ROBO2: variants seen among roughly 807,000 people sequenced by gnomAD.
ROBO2 encodes roundabout guidance receptor 2.
A neutral mutation model predicts 160.8 loss-of-function variants in ROBO2; 53 were observed. That is an observed-to-expected ratio of 0.33 (90% confidence interval 0.26 to 0.41). The LOEUF (loss-of-function observed/expected upper bound fraction) is 0.41. ROBO2 is among the 10% of genes least tolerant of loss of function. ROBO2 has a pLI of 1.00. For synonymous variants in ROBO2, 664 were observed against 611.7 expected (o/e 1.09, Z -1.26); for missense variants, 1,577 against 1,722.4 (o/e 0.92, Z 1.49).
intron 2 of ROBO2, among the ~76,000 whole-genome samples, chr3:76,354,789 G>C (rs561360806): frequency 6.6e-6 from 1 of 151,740 alleles, no homozygotes; most frequent in Non-Finnish European, 1.5e-5. Flanking sequence ...TATAAGTAGA[G>C]GAAAAGAGAA....
rs544526692 is a variant in ROBO2 at position 76,078,254 on chromosome 3, A to AT, written c.109+140658dup. ...GTTGTTCTATGACTTAACCTATAAC[A>AT]TTTTTTCATAGAAACAGATTCGGAT... On this transcript the variant is annotated intron_variant, in intron 2 of 26. Coordinates refer to the ROBO2 transcript ENST00000487694. Among the ~76,000 whole-genome samples the AT allele has an allele frequency of 2.4e-3, 365 of 152,212 alleles. 6 individuals carry two copies. Among genetic ancestry groups the AT allele is most frequent in the Middle Eastern group, 3.4e-3 (1 of 294 alleles).
chr3:75,982,277 T>TGCAGTG (rs1435741552), intron 2 of ROBO2, among the ~76,000 whole-genome samples: 1 of 151,430 alleles, frequency 6.6e-6, no homozygotes, highest in African/African-American at 2.4e-5. Context: ...TTTTTCTCTT[T>TGCAGTG]GGTATATACT....
rs542643007 is a variant in ROBO2, at chr3:76,643,420, T to C, written c.110-454594T>C. Among the ~76,000 whole-genome samples, 1,393 of 152,268 alleles carry C rather than the reference T, an allele frequency of 9.1e-3. 15 individuals are homozygous for C. The highest frequency in any genetic ancestry group is 0.032 in the African/African-American group (1,315 of 41,566). ...CAGTTTTTTAAACTAGAAAGAAATA[T>C]CGTTTTTGATGAAGATACGACATCC... On this transcript the variant is annotated intron_variant, in intron 2 of 26. Coordinates refer to the ROBO2 transcript ENST00000487694.
chr3:77,644,828 C>G (rs768355835), exon 25 of ROBO2: 1 of 1,614,080 alleles, frequency 6.2e-7, no homozygotes, highest in Admixed American at 1.7e-5. Context: ...GAGCAGGCCA[C>G]CAGCGCAATG....
At chr3:77,034,550 A>C (rs939606304) in intron 2 of ROBO2, among the ~76,000 whole-genome samples, 1 of 151,908 alleles carries the variant, frequency 6.6e-6, no homozygotes, top group Non-Finnish European at 1.5e-5. Context: ...GATTACATGT[A>C]CCCTTGGATT....
At chr3:77,082,664 GTGTT>G (rs1039636884) in intron 1 of ROBO2, among the ~76,000 whole-genome samples, 2 of 151,158 alleles carry the variant, frequency 1.3e-5, no homozygotes, top group Non-Finnish European at 2.9e-5. Context: ...ATTTCTTTCA[GTGTT>G]TGGTACATTT....
intron 2 of ROBO2, among the ~76,000 whole-genome samples, chr3:76,598,911 C>A (rs1374391421): frequency 6.6e-6 from 1 of 152,188 alleles, no homozygotes; most frequent in East Asian, 1.9e-4. Context: ...TATATAATAA[C>A]CTTGTTTGGA....
chr3:77,538,439 A>C (rs2092289901), intron 6 of ROBO2, among the ~76,000 whole-genome samples: 1 of 152,084 alleles, frequency 6.6e-6, no homozygotes, highest in Non-Finnish European at 1.5e-5. Context: ...GGTCTCCCAA[A>C]GTGCTGGGAT....
intron 2 of ROBO2, among the ~76,000 whole-genome samples, chr3:76,561,958 A>G (rs369002119): frequency 1.3e-5 from 2 of 152,244 alleles, no homozygotes; most frequent in Admixed American, 6.5e-5. Context: ...AACTTCATAT[A>G]GAAGTCTGCT....
intron 2 of ROBO2, among the ~76,000 whole-genome samples, chr3:76,383,715 A>G (rs1333141866): frequency 6.6e-6 from 1 of 152,160 alleles, no homozygotes; most frequent in Non-Finnish European, 1.5e-5. Flanking sequence ...CAGGTCAGTC[A>G]TAATGAAAAA....
intron 2 of ROBO2, among the ~76,000 whole-genome samples, chr3:76,205,392 G>A (rs908745477): frequency 6.6e-6 from 1 of 152,098 alleles, no homozygotes; most frequent in Non-Finnish European, 1.5e-5. Context: ...CAGTGGGCAA[G>A]TGGAGCAACC....
intron 2 of ROBO2, among the ~76,000 whole-genome samples, chr3:77,018,877 A>G (rs1328578908): frequency 1.3e-5 from 2 of 152,162 alleles, no homozygotes; most frequent in African/African-American, 2.4e-5. Context: ...TACAAATCCA[A>G]ATTACTAGGA....
intron 2 of ROBO2, among the ~76,000 whole-genome samples, chr3:76,350,550 G>T (rs1398663279): frequency 6.6e-6 from 1 of 151,820 alleles, no homozygotes; most frequent in East Asian, 1.9e-4. Context: ...ACTTTCTCTT[G>T]CTATTCAATA....
exon 2 of ROBO2, chr3:77,098,138 T>C: frequency 6.2e-7 from 1 of 1,614,148 alleles, no homozygotes; most frequent in Non-Finnish European, 8.5e-7. Flanking sequence ...CGCCCACCAT[T>C]GAGTGGTACA....
intron 2 of ROBO2, among the ~76,000 whole-genome samples, chr3:76,241,534 T>G (rs942837703): frequency 6.6e-6 from 1 of 152,208 alleles, no homozygotes; most frequent in Non-Finnish European, 1.5e-5. Context: ...AACTCTTGAT[T>G]CAGAAAATTC....
chr3:75,997,009 A>G (rs1340484156), intron 2 of ROBO2, among the ~76,000 whole-genome samples: 3 of 152,208 alleles, frequency 2.0e-5, no homozygotes, highest in East Asian at 3.8e-4. Flanking sequence ...TAAAAATTAT[A>G]TAAGTAAGAC....
At chr3:77,263,403 C>G (rs2153340076) in intron 2 of ROBO2, among the ~76,000 whole-genome samples, 1 of 152,254 alleles carries the variant, frequency 6.6e-6, no homozygotes, top group Non-Finnish European at 1.5e-5. Context: ...TCTTCTTCCT[C>G]CCACCGTCCA....
At chr3:76,573,390 G>A (rs2085069743) in intron 2 of ROBO2, among the ~76,000 whole-genome samples, 1 of 152,014 alleles carries the variant, frequency 6.6e-6, no homozygotes, top group South Asian at 2.1e-4. Context: ...GTCAGCTGGT[G>A]CTCTAAGGAA....
At chr3:77,246,583 A>G (rs764306758) in intron 2 of ROBO2, among the ~76,000 whole-genome samples, 6 of 151,834 alleles carry the variant, frequency 4.0e-5, no homozygotes, top group Non-Finnish European at 8.8e-5. Flanking sequence ...GCCCACCCCC[A>G]TGTTAAACGT....
Sources: gnomAD v4.1 joint callset for allele counts (sites outside exome capture counted in the v4.1 genomes callset) on GRCh38, gnomAD v4.1.1 for gene constraint, MANE v1.5 for transcripts, NCBI Gene and HGNC (gene_info 2026-07-23, HGNC 2026-07-21) for gene names.